PTPN14: variants seen among roughly 807,000 people sequenced by gnomAD.
PTPN14 encodes protein tyrosine phosphatase non-receptor type 14.
A neutral mutation model predicts 126.8 loss-of-function variants in PTPN14; 53 were observed. That is an observed-to-expected ratio of 0.42 (90% confidence interval 0.34 to 0.53). The LOEUF is 0.53. Ranked by LOEUF, PTPN14 falls within the 20% of genes least tolerant of loss-of-function variation. The pLI, the probability that PTPN14 is intolerant of heterozygous loss-of-function variation, is 0.08. For missense variants in PTPN14, 1,257 were observed against 1,552.9 expected (o/e 0.81, Z 3.20); for synonymous variants, 630 against 599.3 (o/e 1.05, Z -0.75).
chr1:214,550,208 C>T (rs1656071494), intron 1 of PTPN14, among the ~76,000 whole-genome samples: 1 of 151,206 alleles, frequency 6.6e-6, no homozygotes, highest in Admixed American at 6.6e-5. Context: ...TATCCTGTTC[C>T]TAGCAGAGTA....
intron 1 of PTPN14, among the ~76,000 whole-genome samples, chr1:214,545,053 G>T (rs1011855936): frequency 6.6e-6 from 1 of 152,098 alleles, no homozygotes; most frequent in African/African-American, 2.4e-5. Flanking sequence ...AAGTGTTAGG[G>T]GCGCTAGCAC....
chr1:214,517,487 T>TA (rs59698035), intron 1 of PTPN14, among the ~76,000 whole-genome samples: 9,047 of 138,296 alleles, frequency 0.065, 329 homozygotes, highest in Middle Eastern at 0.16. Flanking sequence ...AGCATAATAT[T>TA]AAAAAAAAAA....
intron 1 of PTPN14, among the ~76,000 whole-genome samples, chr1:214,535,274 A>G (rs1655674655): frequency 6.6e-6 from 1 of 152,200 alleles, no homozygotes; most frequent in South Asian, 2.1e-4. Context: ...ACAATTCTGT[A>G]CATACCATAT....
intron 5 of PTPN14, among the ~76,000 whole-genome samples, chr1:214,405,596 A>G (rs1044806761): frequency 7.9e-5 from 12 of 151,628 alleles, no homozygotes; most frequent in Non-Finnish European, 1.6e-4. Flanking sequence ...CTGTCTGCTC[A>G]CATAACAAAA....
At chr1:214,494,074 CT>C (rs971531598) in intron 1 of PTPN14, among the ~76,000 whole-genome samples, 5 of 151,392 alleles carry the variant, frequency 3.3e-5, no homozygotes, top group Non-Finnish European at 7.4e-5. Context: ...CTTTCTTTCT[CT>C]TTTTTTTTCT....
At chr1:214,469,560 G>A (rs1289994681) in intron 1 of PTPN14, among the ~76,000 whole-genome samples, 1 of 152,078 alleles carries the variant, frequency 6.6e-6, no homozygotes, top group Non-Finnish European at 1.5e-5. Flanking sequence ...AATGCCACAT[G>A]CTCATAGAAA....
intron 3 of PTPN14, among the ~76,000 whole-genome samples, chr1:214,439,723 T>C (rs1254946045): frequency 3.9e-5 from 6 of 152,176 alleles, no homozygotes; most frequent in Non-Finnish European, 8.8e-5. Flanking sequence ...ACCTGGTAAC[T>C]TGACACCTGC....
chr1:214,394,758 A>G, intron 9 of PTPN14, 141 bp downstream of exon 9: 1 of 772,152 alleles, frequency 1.3e-6, no homozygotes. Context: ...TAATGACAGC[A>G]CTGACCAAGT....
chr1:214,460,524 A>AACACACACACACACACACACAC (rs10522279), intron 2 of PTPN14, among the ~76,000 whole-genome samples: 11 of 132,670 alleles, frequency 8.3e-5, no homozygotes, highest in African/African-American at 3.0e-4. Flanking sequence ...TGAAAATTCC[A>AACACACACACACACACACACAC]ACACACACAC....
At chr1:214,522,221 C>T (rs975390966) in intron 1 of PTPN14, among the ~76,000 whole-genome samples, 4 of 152,082 alleles carry the variant, frequency 2.6e-5, no homozygotes, top group African/African-American at 9.7e-5. Flanking sequence ...AGGTGTGAGC[C>T]ACTATGTCCA....
chr1:214,372,026 G>A (rs1658229800), intron 16 of PTPN14, among the ~76,000 whole-genome samples: 1 of 152,120 alleles, frequency 6.6e-6, no homozygotes, highest in Admixed American at 6.6e-5. Flanking sequence ...AAAAGAAGGT[G>A]GTTAAAGAAA....
intron 1 of PTPN14, among the ~76,000 whole-genome samples, chr1:214,518,942 G>C (rs1345192286): frequency 2.6e-5 from 4 of 152,110 alleles, no homozygotes; most frequent in Non-Finnish European, 5.9e-5. Flanking sequence ...TAATTTCCTA[G>C]ATAATTTGAT....
intron 1 of PTPN14, among the ~76,000 whole-genome samples, chr1:214,522,510 G>A (rs534123436): frequency 5.9e-5 from 9 of 152,272 alleles, no homozygotes; most frequent in African/African-American, 1.2e-4. Flanking sequence ...ATCCAAGCCC[G>A]CAGAACGTAA....
intron 11 of PTPN14, 109 bp from the exon 12 acceptor site, chr1:214,387,031 G>T (rs775309793): frequency 6.7e-5 from 65 of 973,248 alleles, no homozygotes; most frequent in Non-Finnish European, 9.6e-5. Context: ...AGGGAGGCTC[G>T]TGGCAGCTGC....
At chr1:214,472,534 T>A (rs1660781950) in intron 1 of PTPN14, among the ~76,000 whole-genome samples, 1 of 152,182 alleles carries the variant, frequency 6.6e-6, no homozygotes, top group South Asian at 2.1e-4. Flanking sequence ...ACACAGTCAT[T>A]ATGAAGAAAG....
chr1:214,439,384 A>T (rs2102618586), intron 3 of PTPN14, among the ~76,000 whole-genome samples: 1 of 152,266 alleles, frequency 6.6e-6, no homozygotes, highest in South Asian at 2.1e-4. Flanking sequence ...TCTTCAAAAC[A>T]TTTATGCTGG....
In PTPN14 at chr1:214,512,059, G is replaced by A. The variant is rs146773682; in HGVS notation, c.-155+39124C>T. Among the ~76,000 whole-genome samples, 174 of 151,992 alleles carry A rather than the reference G, an allele frequency of 1.1e-3. 1 individual carries two copies. The highest frequency in any genetic ancestry group is 4.0e-3 in the African/African-American group (165 of 41,448). ...TCCCAGGGCTAGTCAATTCTTAGAG[G>A]GCTAGTAAATTCTGAGGCCCCTGCC... On this transcript the variant is annotated intron_variant, in intron 1 of 18. Transcript: ENST00000366956.
At chr1:214,429,776 G>A (rs1659755802) in intron 3 of PTPN14, among the ~76,000 whole-genome samples, 1 of 152,182 alleles carries the variant, frequency 6.6e-6, no homozygotes, top group African/African-American at 2.4e-5. Context: ...CTTACTTCAT[G>A]CTAAGGATCA....
intron 3 of PTPN14, among the ~76,000 whole-genome samples, chr1:214,423,487 T>C (rs1659590625): frequency 6.6e-6 from 1 of 152,194 alleles, no homozygotes; most frequent in Admixed American, 6.5e-5. Flanking sequence ...ATGAGCCCAC[T>C]TTCCAAGTTT....
Sources: gnomAD v4.1 joint callset for allele counts (sites outside exome capture counted in the v4.1 genomes callset) on GRCh38, gnomAD v4.1.1 for gene constraint, MANE v1.5 for transcripts, NCBI Gene and HGNC (gene_info 2026-07-23, HGNC 2026-07-21) for gene names.